The following GPHN variants were observed in gnomAD, a reference collection of about 807,000 sequenced individuals.
GPHN encodes gephyrin.
GPHN carries 17 observed loss-of-function variants against 95.5 expected under a neutral mutation model. The observed-to-expected ratio is 0.18, with a 90% CI of 0.12 to 0.27. GPHN has a LOEUF of 0.27. Ranked by LOEUF, GPHN falls within the 10% of genes least tolerant of loss-of-function variation. The pLI, the probability that GPHN is intolerant of heterozygous loss-of-function variation, is 1.00. For synonymous variants in GPHN, 320 were observed against 322.5 expected (o/e 0.99, Z 0.08); for missense variants, 660 against 978.1 (o/e 0.67, Z 4.34).
intron 2 of GPHN, among the ~76,000 whole-genome samples, chr14:66,721,608 C>A (rs778553395): frequency 6.6e-6 from 1 of 152,064 alleles, no homozygotes; most frequent in African/African-American, 2.4e-5. Context: ...TTTCCAGGAA[C>A]CCTCTGGGAA....
chr14:67,562,988 C>A, the GPHN span: 1 of 1,307,500 alleles, frequency 7.6e-7, no homozygotes, highest in Non-Finnish European at 1.0e-6. Flanking sequence ...GGAGAGGAGG[C>A]TGCTGGCATC....
At chr14:67,656,294 C>A in the GPHN span, 4 of 914,692 alleles carry the variant, frequency 4.4e-6, no homozygotes, top group Non-Finnish European at 4.5e-6. Context: ...AGCATAAGAA[C>A]TTAAAAAAGA....
the GPHN span, among the ~76,000 whole-genome samples, chr14:67,697,582 A>T: frequency 1.3e-5 from 2 of 152,230 alleles, no homozygotes; most frequent in Non-Finnish European, 2.9e-5. Flanking sequence ...TCTAAGAGGT[A>T]GGTACTATAA....
At chr14:67,424,119 A>T in the GPHN span, among the ~76,000 whole-genome samples, 3 of 152,140 alleles carry the variant, frequency 2.0e-5, no homozygotes, top group African/African-American at 7.2e-5. Context: ...AGGTGCCTGT[A>T]ATCCCAGCTA....
chr14:66,843,351 C>T (rs1019475930), intron 4 of GPHN, among the ~76,000 whole-genome samples: 9 of 152,298 alleles, frequency 5.9e-5, no homozygotes, highest in African/African-American at 2.2e-4. Context: ...TGATCTTGCC[C>T]TGCCCAATCT....
chr14:67,507,940 A>T, the GPHN span, among the ~76,000 whole-genome samples: 1 of 152,094 alleles, frequency 6.6e-6, no homozygotes, highest in Non-Finnish European at 1.5e-5. Flanking sequence ...GGAGTTCCAG[A>T]CCAGCCTGAC....
At chr14:67,128,063 T>C (rs2079440791) in intron 17 of GPHN, among the ~76,000 whole-genome samples, 2 of 152,224 alleles carry the variant, frequency 1.3e-5, no homozygotes, top group Admixed American at 1.3e-4. Flanking sequence ...ATAGCTCTTT[T>C]TGCTATGCTC....
At chr14:67,426,795 G>A in the GPHN span, among the ~76,000 whole-genome samples, 3 of 152,142 alleles carry the variant, frequency 2.0e-5, no homozygotes, top group East Asian at 1.9e-4. Flanking sequence ...GGCTGGTTTC[G>A]AACTCCTGAC....
Position 66,652,054 on chromosome 14 carries a change from G to T in GPHN, c.65-29053G>T, listed in dbSNP as rs186907865. On this transcript the variant is annotated intron_variant, in intron 1 of 22. Coordinates refer to ENST00000478722, the MANE Select transcript of GPHN (RefSeq NM_020806.5). ...TGAAACTAGTCCCTGGCGCCAAAAA[G>T]GTTGGGGAATGCTGAAAAATGAAAT... 4.2e-3 allele frequency among the ~76,000 whole-genome samples: 638 copies of T among 152,144 alleles called. 1 individual carries two copies. The highest frequency in any genetic ancestry group is 7.3e-3 in the Non-Finnish European group (499 of 67,994).
At chr14:67,049,670 G>A (rs1006125187) in intron 10 of GPHN, among the ~76,000 whole-genome samples, 4 of 151,422 alleles carry the variant, frequency 2.6e-5, no homozygotes, top group Non-Finnish European at 5.9e-5. Flanking sequence ...GCGCCACCAC[G>A]ACCAGCTAAT....
chr14:67,562,118 G>A, the GPHN span: 1 of 1,611,334 alleles, frequency 6.2e-7, no homozygotes, highest in Admixed American at 1.7e-5. Context: ...CAATGTGACT[G>A]TTTTTACCCG....
chr14:67,033,353 C>G (rs1276979384), intron 10 of GPHN, among the ~76,000 whole-genome samples: 1 of 152,096 alleles, frequency 6.6e-6, no homozygotes, highest in Admixed American at 6.6e-5. Context: ...CACTTGAGTC[C>G]AGGGATTCGA....
chr14:66,545,712 C>A (rs748384432), intron 1 of GPHN, among the ~76,000 whole-genome samples: 2 of 140,628 alleles, frequency 1.4e-5, no homozygotes, highest in Non-Finnish European at 1.5e-5. Flanking sequence ...ACCTCCCGGA[C>A]GGGGTGGCTG....
At chr14:66,849,212 G>A (rs1442679921) in intron 4 of GPHN, among the ~76,000 whole-genome samples, 3 of 151,834 alleles carry the variant, frequency 2.0e-5, no homozygotes, top group African/African-American at 7.2e-5. Flanking sequence ...TTCATATAAT[G>A]TAAGCTTTTC....
At chr14:66,905,044 T>C (rs2065309191) in intron 5 of GPHN, among the ~76,000 whole-genome samples, 1 of 152,172 alleles carries the variant, frequency 6.6e-6, no homozygotes, top group South Asian at 2.1e-4. Flanking sequence ...CTCTTGAACA[T>C]CAATAAAATA....
At chr14:66,940,547 A>T (rs1272773350) in intron 8 of GPHN, among the ~76,000 whole-genome samples, 2 of 152,184 alleles carry the variant, frequency 1.3e-5, no homozygotes, top group East Asian at 1.9e-4. Flanking sequence ...TTTTAACCAC[A>T]TATGCCCTAT....
the GPHN span, among the ~76,000 whole-genome samples, chr14:67,361,444 T>G: frequency 6.6e-6 from 1 of 152,188 alleles, no homozygotes; most frequent in Non-Finnish European, 1.5e-5. Context: ...ACTATAATGA[T>G]GAAATAAAAG....
At chr14:67,161,532 G>A (rs1270799254) in intron 19 of GPHN, among the ~76,000 whole-genome samples, 2 of 152,018 alleles carry the variant, frequency 1.3e-5, no homozygotes, top group African/African-American at 2.4e-5. Context: ...GAGGCCGTGG[G>A]GGTGGTTCGC....
intron 5 of GPHN, among the ~76,000 whole-genome samples, chr14:66,896,821 A>C (rs1357249326): frequency 1.3e-5 from 2 of 152,058 alleles, no homozygotes; most frequent in Non-Finnish European, 2.9e-5. Context: ...CAAAACAAAA[A>C]AAAACAAAGA....
Sources: gnomAD v4.1 joint callset for allele counts (sites outside exome capture counted in the v4.1 genomes callset) on GRCh38, gnomAD v4.1.1 for gene constraint, MANE v1.5 for transcripts, NCBI Gene and HGNC (gene_info 2026-07-23, HGNC 2026-07-21) for gene names.